Variants in XRN1 observed in about 807,000 individuals in gnomAD.
The protein encoded by XRN1 is strand-exchange protein 1 homolog.
XRN1 carries 67 observed loss-of-function variants against 222.3 expected under a neutral mutation model. The ratio of observed to expected loss-of-function variants is 0.30; its 90% confidence interval spans 0.25 to 0.37. The LOEUF is 0.37. XRN1 is among the 10% of genes least tolerant of loss of function. The pLI, the probability that XRN1 is intolerant of heterozygous loss-of-function variation, is 1.00. For missense variants in XRN1, 1,707 were observed against 2,000.2 expected, an observed-to-expected ratio of 0.85 and a Z score of 2.80; for synonymous variants, 643 against 652.4, an observed-to-expected ratio of 0.99 and a Z score of 0.22.
At chr3:142,428,823 G>A (rs2069379379) in intron 2 of XRN1, among the ~76,000 whole-genome samples, 3 of 152,188 alleles carry the variant, frequency 2.0e-5, no homozygotes, top group Admixed American at 2.0e-4. Flanking sequence ...GAGACATTTA[G>A]TAGGCATTTG....
chr3:142,370,469 T>G lies in XRN1; in HGVS notation c.3204+16A>C, dbSNP rs749347791. On this transcript the variant is annotated intron_variant, in intron 27 of 40. Transcript: ENST00000392981. ...TCCAAATCTCATCAATAATCTTGGTTACTGAAAGTTAGTACCTTGCACTTT... is the reference window on the plus strand; with the variant it reads ...TCCAAATCTCATCAATAATCTTGGTGACTGAAAGTTAGTACCTTGCACTTT... 8 of 1,586,636 alleles carry G rather than the reference T, an allele frequency of 5.0e-6. No individual in the cohort carries two copies. Among genetic ancestry groups the G allele is most frequent in the Non-Finnish European group, 6.8e-6 (8 of 1,172,218 alleles).
chr3:142,316,136 TTC>T (rs2107856406), intron 39 of XRN1, among the ~76,000 whole-genome samples: 1 of 152,288 alleles, frequency 6.6e-6, no homozygotes, highest in Non-Finnish European at 1.5e-5. Flanking sequence ...CTGATAATGT[TTC>T]TTTTCTTGTA....
At chr3:142,429,721 T>C (rs2069439594) in intron 2 of XRN1, 1 of 152,240 alleles carries the variant, frequency 6.6e-6, no homozygotes, top group Admixed American at 6.5e-5. Flanking sequence ...GGTTAGAAAG[T>C]TCTCAGGCTT....
At chr3:142,381,175 C>T (rs2067289865) in intron 22 of XRN1, among the ~76,000 whole-genome samples, 1 of 151,824 alleles carries the variant, frequency 6.6e-6, no homozygotes, top group African/African-American at 2.4e-5. Context: ...AAAACAAATG[C>T]CTTTAACTTT....
chr3:142,371,532 G>A (rs1409255973), intron 25 of XRN1, among the ~76,000 whole-genome samples: 1 of 152,078 alleles, frequency 6.6e-6, no homozygotes, highest in Non-Finnish European at 1.5e-5. Context: ...AACTCCCACT[G>A]GCTAAGGTTC....
chr3:142,371,377 C>T (rs781698716), intron 25 of XRN1, 49 bp from the exon 26 acceptor site: 32 of 1,352,120 alleles, frequency 2.4e-5, no homozygotes, highest in South Asian at 1.4e-4. Flanking sequence ...TGGTTAATTT[C>T]GGATAAACTT....
chr3:142,333,683 A>C (rs1017211313), intron 34 of XRN1, among the ~76,000 whole-genome samples: 1 of 152,154 alleles, frequency 6.6e-6, no homozygotes, highest in Non-Finnish European at 1.5e-5. Flanking sequence ...GTAGGTAATT[A>C]AGTTTAGATG....
chr3:142,391,749 A>AAAATATATAT (rs1553733834), intron 20 of XRN1, among the ~76,000 whole-genome samples: 1 of 103,462 alleles, frequency 9.7e-6, no homozygotes, highest in Non-Finnish European at 2.0e-5. Context: ...AAAAAAAAAA[A>AAAATATATAT]ATATATATAT....
intron 34 of XRN1, among the ~76,000 whole-genome samples, chr3:142,335,053 C>T (rs1053972552): frequency 6.6e-6 from 1 of 151,734 alleles, no homozygotes; most frequent in African/African-American, 2.4e-5. Flanking sequence ...GTTGGCAAGG[C>T]TGGTCTCGAA....
At chr3:142,316,235 T>TTTTG (rs1560280116) in intron 39 of XRN1, among the ~76,000 whole-genome samples, 2 of 147,908 alleles carry the variant, frequency 1.4e-5, no homozygotes, top group Non-Finnish European at 1.5e-5. Context: ...TTTTTTTTTT[T>TTTTG]GAGACAGGTC....
chr3:142,307,588 T>A lies in XRN1; in HGVS notation c.*3923A>T, dbSNP rs1228732933. The A allele has an allele frequency of 6.6e-6, 1 of 152,160 alleles. No individual in the cohort carries two copies. Among genetic ancestry groups the A allele is most frequent in the East Asian group, 1.9e-4 (1 of 5,194 alleles). The allele number at this position is 152,160 out of a possible 1,614,324, so 9.4% of individuals were successfully genotyped here. A position where few individuals can be genotyped will look rare whatever the true frequency, so the allele number is the denominator to read the frequency against. On this transcript the variant is annotated 3_prime_UTR_variant, in exon 41 of 41. Coordinates refer to ENST00000392981, the MANE Select transcript of XRN1 (RefSeq NM_001282857.2). ...ATGTTTTTCTTCTTTAAGAAAAGGATCTATGATGTCTGTGAAACTTAACGG... is the reference window on the plus strand; with the variant it reads ...ATGTTTTTCTTCTTTAAGAAAAGGAACTATGATGTCTGTGAAACTTAACGG...
intron 33 of XRN1, among the ~76,000 whole-genome samples, chr3:142,339,981 A>G (rs1325608563): frequency 1.3e-5 from 2 of 152,246 alleles, no homozygotes; most frequent in Admixed American, 6.5e-5. Context: ...TGCAACTGAC[A>G]TACTGAAAAA....
At chr3:142,331,892 A>G (rs79236365) in intron 36 of XRN1, among the ~76,000 whole-genome samples, 4,920 of 152,120 alleles carry the variant, frequency 0.032, 252 homozygotes, top group African/African-American at 0.11. Flanking sequence ...CTACCACGTC[A>G]GCCTCCCCAG....
chr3:142,431,942 T>TAAATA (rs1429370193), intron 2 of XRN1, among the ~76,000 whole-genome samples: 63 of 83,466 alleles, frequency 7.5e-4, no homozygotes, highest in South Asian at 1.2e-3. Flanking sequence ...ATTGTATATA[T>TAAATA]TATATAATAT....
chr3:142,445,814 T>G (rs1329872181), intron 1 of XRN1, among the ~76,000 whole-genome samples: 1 of 152,224 alleles, frequency 6.6e-6, no homozygotes, highest in African/African-American at 2.4e-5. Flanking sequence ...TGGTCTTTCT[T>G]ATGGTAGACC....
At chr3:142,373,422 G>A (rs1289881897) in intron 25 of XRN1, among the ~76,000 whole-genome samples, 1 of 151,886 alleles carries the variant, frequency 6.6e-6, no homozygotes, top group East Asian at 1.9e-4. Context: ...AAATAGTGAG[G>A]AGAAAATTAT....
chr3:142,397,132 A>G (rs188663567), intron 20 of XRN1, among the ~76,000 whole-genome samples, 197 bp downstream of exon 20: 6 of 152,232 alleles, frequency 3.9e-5, no homozygotes, highest in Admixed American at 6.5e-5. Flanking sequence ...TAGGTATTTT[A>G]GTGACAAACT....
intron 34 of XRN1, among the ~76,000 whole-genome samples, chr3:142,333,431 T>C (rs1200246502): frequency 6.6e-6 from 1 of 151,972 alleles, no homozygotes; most frequent in Non-Finnish European, 1.5e-5. Context: ...TCTAAATAAA[T>C]TGTTGCAAAA....
At position 142,318,708 on chromosome 3, in the gene XRN1, TA is replaced by T. The variant is rs771823041; in HGVS notation, c.4519-15del. On this transcript the variant is annotated splice_polypyrimidine_tract_variant and intron_variant, in intron 38 of 40. Transcript: ENST00000392981. ...GCCTAAGGAGCCCTGTGGAAGTATT[TA>T]AAAGTTACAAGACAATGCAATACAA... 1 of 1,610,286 alleles carries T rather than the reference TA, an allele frequency of 6.2e-7. No individual in the cohort carries two copies. The highest frequency in any genetic ancestry group is 2.2e-5 in the East Asian group (1 of 44,804).
Sources: gnomAD v4.1 joint callset for allele counts (sites outside exome capture counted in the v4.1 genomes callset) on GRCh38, gnomAD v4.1.1 for gene constraint, MANE v1.5 for transcripts, NCBI Gene and HGNC (gene_info 2026-07-23, HGNC 2026-07-21) for gene names.